The following SLIT3 variants were observed in gnomAD, a reference collection of about 807,000 sequenced individuals.
SLIT3 encodes slit homolog 3 protein.
A neutral mutation model predicts 184.0 loss-of-function variants in SLIT3; 68 were observed. The observed-to-expected ratio is 0.37, with a 90% CI of 0.30 to 0.45. The LOEUF (loss-of-function observed/expected upper bound fraction) is 0.45. SLIT3 is among the 20% of genes least tolerant of loss of function. SLIT3 has a pLI of 1.00. For missense variants in SLIT3, 1,707 were observed against 2,026.0 expected, an observed-to-expected ratio of 0.84 and a Z score of 3.02; for synonymous variants, 831 against 828.6, an observed-to-expected ratio of 1.00 and a Z score of -0.05.
intron 8 of SLIT3, among the ~76,000 whole-genome samples, chr5:168,813,036 G>A (rs757220215): frequency 1.4e-4 from 22 of 152,164 alleles, no homozygotes; most frequent in Non-Finnish European, 2.6e-4. Context: ...AAAAGTGTAC[G>A]ACGTGGCCCC....
chr5:169,226,306 C>G (rs73317668), intron 3 of SLIT3, among the ~76,000 whole-genome samples: 12,889 of 152,006 alleles, frequency 0.085, 888 homozygotes, highest in East Asian at 0.18. Context: ...CTGAGGCACA[C>G]CTTTGGGAGA....
chr5:168,764,949 C>A (rs746185810), intron 14 of SLIT3, among the ~76,000 whole-genome samples: 46 of 152,206 alleles, frequency 3.0e-4, no homozygotes, highest in Non-Finnish European at 5.7e-4. Flanking sequence ...ATTTTGCAAA[C>A]CCTGTCAGAT....
Position 169,056,513 on chromosome 5 carries a change from A to G in SLIT3, c.413+136966T>C, listed in dbSNP as rs137920530. 8.5e-4 allele frequency among the ~76,000 whole-genome samples: 130 copies of G among 152,206 alleles called. 2 individuals carry two copies. The highest frequency in any genetic ancestry group is 3.4e-3 in the Middle Eastern group (1 of 294). On this transcript the variant is annotated intron_variant, in intron 4 of 35. Coordinates refer to ENST00000519560, the MANE Select transcript of SLIT3 (RefSeq NM_003062.4). ...TGAGTGATTTTGACACCACATTGCC[A>G]TCGATAGGTTTGACTTACAAATTAT...
At chr5:168,880,348 C>T (rs1353390650) in intron 5 of SLIT3, among the ~76,000 whole-genome samples, 2 of 152,326 alleles carry the variant, frequency 1.3e-5, no homozygotes, top group South Asian at 2.1e-4. Context: ...CTCCAGCAAC[C>T]GGCTTCCACC....
chr5:169,078,165 A>G (rs1445517802), intron 4 of SLIT3, among the ~76,000 whole-genome samples: 1 of 152,240 alleles, frequency 6.6e-6, no homozygotes, highest in African/African-American at 2.4e-5. Context: ...TTCAATTTCA[A>G]CACATCAGGT....
At chr5:169,179,240 C>A (rs1581023096) in intron 4 of SLIT3, among the ~76,000 whole-genome samples, 2 of 147,470 alleles carry the variant, frequency 1.4e-5, no homozygotes, top group Admixed American at 1.3e-4. Flanking sequence ...AAGTTTAGGT[C>A]AATGTTCAAT....
intron 5 of SLIT3, among the ~76,000 whole-genome samples, chr5:168,848,430 C>G (rs748802529): frequency 6.6e-6 from 1 of 152,110 alleles, no homozygotes; most frequent in African/African-American, 2.4e-5. Context: ...AGATGGGGAA[C>G]GGGAAGGCAA....
chr5:169,262,631 C>T (rs1036486265), intron 1 of SLIT3, among the ~76,000 whole-genome samples: 5 of 152,168 alleles, frequency 3.3e-5, no homozygotes, highest in African/African-American at 1.2e-4. Flanking sequence ...CCTCATTCCC[C>T]TGCCATCAAT....
intron 4 of SLIT3, among the ~76,000 whole-genome samples, chr5:169,177,549 C>A (rs1581021162): frequency 1.3e-5 from 2 of 152,266 alleles, no homozygotes; most frequent in South Asian, 4.2e-4. Context: ...AGTAGGTAAG[C>A]AGGGTGCAGT....
intron 4 of SLIT3, among the ~76,000 whole-genome samples, chr5:168,975,229 C>G (rs1312953186): frequency 6.6e-6 from 1 of 152,182 alleles, no homozygotes; most frequent in Admixed American, 6.5e-5. Flanking sequence ...GCAAGACTCA[C>G]CTCACCTGCC....
At chr5:168,721,946 T>A (rs1366494361) in intron 23 of SLIT3, among the ~76,000 whole-genome samples, 2 of 152,168 alleles carry the variant, frequency 1.3e-5, no homozygotes, top group African/African-American at 4.8e-5. Context: ...GAGGGTAGAA[T>A]ACAATTGCAT....
At chr5:169,169,895 G>A (rs1457493819) in intron 4 of SLIT3, among the ~76,000 whole-genome samples, 3 of 152,230 alleles carry the variant, frequency 2.0e-5, no homozygotes, top group Non-Finnish European at 2.9e-5. Context: ...TCTTGACTGT[G>A]TGATGCCAGA....
At chr5:168,698,841 C>T (rs879298188) in intron 27 of SLIT3, among the ~76,000 whole-genome samples, 2 of 152,144 alleles carry the variant, frequency 1.3e-5, no homozygotes, top group African/African-American at 4.8e-5. Context: ...AGATCTGGGC[C>T]CTTTTCCTTT....
chr5:169,171,338 G>GA (rs1489071975), intron 4 of SLIT3, among the ~76,000 whole-genome samples: 1 of 152,114 alleles, frequency 6.6e-6, no homozygotes, highest in Non-Finnish European at 1.5e-5. Context: ...ATGATCCTTG[G>GA]AAAAAAAGGC....
chr5:168,673,780 G>A (rs1554131024), intron 32 of SLIT3, among the ~76,000 whole-genome samples: 1 of 152,176 alleles, frequency 6.6e-6, no homozygotes. Flanking sequence ...GTCCTTTACA[G>A]CATTTATTTC....
chr5:168,873,225 C>T lies in SLIT3; in HGVS notation c.485+10040G>A, dbSNP rs138074721. On this transcript the variant is annotated intron_variant, in intron 5 of 35. Coordinates refer to ENST00000519560, the MANE Select transcript of SLIT3 (RefSeq NM_003062.4). ...GCCTTGCCATGACCCATTCTGTGGC[C>T]TTGTGGCCTTGGGAGAGTTTCTGAA... Among the ~76,000 whole-genome samples the T allele has an allele frequency of 3.1e-3, 475 of 152,260 alleles. 1 individual carries two copies. The highest frequency in any genetic ancestry group is 0.011 in the African/African-American group (437 of 41,544).
At chr5:169,141,256 C>T (rs1257291158) in intron 4 of SLIT3, among the ~76,000 whole-genome samples, 1 of 152,102 alleles carries the variant, frequency 6.6e-6, no homozygotes, top group African/African-American at 2.4e-5. Context: ...ACGACATCAC[C>T]CCACAAATAA....
chr5:168,735,600 C>G (rs549058194), intron 20 of SLIT3, among the ~76,000 whole-genome samples: 42 of 151,780 alleles, frequency 2.8e-4, no homozygotes, highest in African/African-American at 9.7e-4. Context: ...CAGAGCAGTA[C>G]CCGGCACACT....
chr5:168,717,821 C>T (rs944748401), intron 23 of SLIT3, among the ~76,000 whole-genome samples: 1 of 151,962 alleles, frequency 6.6e-6, no homozygotes. Context: ...CCACTACGTC[C>T]GGCTAATTTT....
Sources: allele counts gnomAD v4.1 joint callset (sites outside exome capture counted in the v4.1 genomes callset), GRCh38; gene constraint gnomAD v4.1.1; transcripts MANE v1.5; gene names NCBI Gene and HGNC (gene_info 2026-07-23, HGNC 2026-07-21).